The following CKAP2L variants were observed in gnomAD, a reference collection of about 807,000 sequenced individuals.
CKAP2L encodes cytoskeleton-associated protein 2-like.
Under a neutral mutation model 65.7 loss-of-function variants are expected in CKAP2L, and 42 were observed. The ratio of observed to expected loss-of-function variants is 0.64; its 90% CI spans 0.50 to 0.83. The LOEUF (loss-of-function observed/expected upper bound fraction) is 0.83, where lower values mean the gene tolerates loss of function less well. CKAP2L is among the 40% of genes least tolerant of loss of function. The probability of loss-of-function intolerance (pLI) is 0.00; values close to 1 mark genes in which losing one functional copy is unlikely to be tolerated. For missense variants in CKAP2L, 908 were observed against 871.0 expected, an observed-to-expected ratio of 1.04 and a Z score of -0.53; for synonymous variants, 325 against 313.5, an observed-to-expected ratio of 1.04 and a Z score of -0.39.
rs1248408398 is a variant in CKAP2L, at chr2:112,752,443, CCTTAGATTT to C, written c.1417_1425del (p.Lys473_Lys475del). On this transcript the variant is annotated inframe_deletion, in exon 5 of 9. Coordinates refer to ENST00000302450, the MANE Select transcript of CKAP2L (RefSeq NM_152515.5). Reference sequence around the variant, plus strand: ...ATAGGAGGCCGTTTATAGGTTTTTCCCTTAGATTTCTGCCATTCTTCTAGTTGTTTCCTG... The same window carrying C: ...ATAGGAGGCCGTTTATAGGTTTTTCCCTGCCATTCTTCTAGTTGTTTCCTG... 6.2e-7 allele frequency: 1 copy of C among 1,608,878 alleles called. No homozygotes were observed. The highest frequency in any genetic ancestry group is 8.5e-7 in the Non-Finnish European group (1 of 1,177,600).
chr2:112,752,400 CTTTTT>C lies in CKAP2L; in HGVS notation c.1464_1468del (p.Arg490SerfsTer14). The C allele has an allele frequency of 6.2e-7, 1 of 1,612,456 alleles. No homozygotes were observed. Among genetic ancestry groups the C allele is most frequent in the Non-Finnish European group, 8.5e-7 (1 of 1,178,844 alleles). ...AATATTCATTTCCTTTATTACTTTT[CTTTTT>C]GTTTTAAGTTCCATAGGAGGCCGTT... On this transcript the variant is annotated frameshift_variant, in exon 5 of 9. Transcript: ENST00000302450. LOFTEE classifies it high-confidence loss of function.
chr2:112,756,309 A>T lies in CKAP2L; in HGVS notation c.1062T>A (p.Asp354Glu). ...GTATACAAACTTGGCTGGACTTCTG[A>T]TCTTGCTTGATGTTTGGATGTCTGT... ...YNNRHPNIKQ[D>E]QKSSQVCIPQ... Residue 354 changes from aspartate (D) to glutamate (E), a missense_variant, in exon 4 of 9, where the codon GAT becomes GAA. Asp to Glu is a conservative substitution (Grantham distance 45, BLOSUM62 2). Coordinates refer to ENST00000302450, the MANE Select transcript of CKAP2L (RefSeq NM_152515.5). The T allele has an allele frequency of 6.2e-7, 1 of 1,613,802 alleles. No individual in the cohort carries two copies. The highest frequency in any genetic ancestry group is 8.5e-7 in the Non-Finnish European group (1 of 1,179,900).
intron 3 of CKAP2L, among the ~76,000 whole-genome samples, chr2:112,758,762 C>T (rs1680621522): frequency 6.6e-6 from 1 of 152,166 alleles, no homozygotes; most frequent in African/African-American, 2.4e-5. Flanking sequence ...ATAAAATTCA[C>T]CATTTTAGTA....
chr2:112,750,791 T>TAAA (rs79847825), intron 5 of CKAP2L, among the ~76,000 whole-genome samples: 1 of 116,484 alleles, frequency 8.6e-6, no homozygotes, highest in Non-Finnish European at 1.9e-5. Context: ...AACATATTTA[T>TAAA]AAAAAAAAAA....
intron 4 of CKAP2L, among the ~76,000 whole-genome samples, chr2:112,755,360 G>A (rs931045906): frequency 1.3e-5 from 2 of 152,080 alleles, no homozygotes; most frequent in South Asian, 2.1e-4. Context: ...GGCTGGTCTC[G>A]AACTCCCGAC....
At chr2:112,762,678 CATA>C (rs1680761921) in intron 1 of CKAP2L, 109 bp from the exon 2 acceptor site, 6 of 843,042 alleles carry the variant, frequency 7.1e-6, no homozygotes, top group South Asian at 5.8e-5. Flanking sequence ...GCCTTTGCAA[CATA>C]ATGTTATAAA....
In CKAP2L at chr2:112,737,746, C is replaced by G. The variant is rs765436578; in HGVS notation, c.*1077G>C. On this transcript the variant is annotated 3_prime_UTR_variant, in exon 9 of 9. Coordinates refer to ENST00000302450, the MANE Select transcript of CKAP2L (RefSeq NM_152515.5). Reference sequence around the variant, plus strand: ...GATAGACCTTTGATCAAAGTCCATTCTCCTTGGTAATGAATGCTCCTTGTT... The same window carrying G: ...GATAGACCTTTGATCAAAGTCCATTGTCCTTGGTAATGAATGCTCCTTGTT... The G allele has an allele frequency of 3.9e-5, 6 of 152,134 alleles. No homozygotes were observed. Among genetic ancestry groups the G allele is most frequent in the Non-Finnish European group, 7.4e-5 (5 of 68,026 alleles). The allele number at this position is 152,134 out of a possible 1,614,324, so 9.4% of individuals were successfully genotyped here.
At chr2:112,760,861 T>A (rs1680697496) in intron 2 of CKAP2L, 97 bp from the exon 3 acceptor site, 3 of 680,042 alleles carry the variant, frequency 4.4e-6, no homozygotes, top group Non-Finnish European at 7.7e-6. Context: ...GAATTTTAAA[T>A]AATTAGAATT....
intron 1 of CKAP2L, 62 bp from the exon 2 acceptor site, chr2:112,762,631 A>C: frequency 7.5e-7 from 1 of 1,325,998 alleles, no homozygotes; most frequent in Non-Finnish European, 1.1e-6. Context: ...CCAGTTCATT[A>C]ATATTCTAAA....
intron 3 of CKAP2L, among the ~76,000 whole-genome samples, 167 bp from the exon 4 acceptor site, chr2:112,757,381 T>C (rs1379270714): frequency 1.4e-5 from 2 of 144,620 alleles, no homozygotes; most frequent in Non-Finnish European, 3.0e-5. Flanking sequence ...TAGGTAGTTT[T>C]TGTGTTTTTT....
At chr2:112,764,472 C>T (rs1350623166) in intron 1 of CKAP2L, 90 bp downstream of exon 1, 2 of 1,429,930 alleles carry the variant, frequency 1.4e-6, no homozygotes, top group Admixed American at 1.7e-5. Context: ...CGGACGGGCA[C>T]CTCCCGCGGG....
intron 5 of CKAP2L, among the ~76,000 whole-genome samples, chr2:112,748,707 T>C (rs1680277555): frequency 6.6e-6 from 1 of 151,992 alleles, no homozygotes; most frequent in Non-Finnish European, 1.5e-5. Flanking sequence ...CAAAAAAATG[T>C]AAACTATAAT....
At chr2:112,744,626 G>T (rs1323886035) in intron 6 of CKAP2L, among the ~76,000 whole-genome samples, 1 of 152,180 alleles carries the variant, frequency 6.6e-6, no homozygotes, top group African/African-American at 2.4e-5. Flanking sequence ...CTATGTTGAG[G>T]GTTGAGACTC....
rs775782971 is a variant in CKAP2L, at chr2:112,757,012, C to T, written c.359G>A (p.Ser120Asn). The T allele has an allele frequency of 6.2e-7, 1 of 1,614,194 alleles. No homozygotes were observed. Among genetic ancestry groups the T allele is most frequent in the Non-Finnish European group, 8.5e-7 (1 of 1,180,030 alleles). Reference protein sequence around the residue: ...SNPYSKPSSKSFQQCEAGSST... With the variant: ...SNPYSKPSSKNFQQCEAGSST... ...CGATCCAGCTTCACACTGTTGAAAA[C>T]TCTTGCTAGAAGGCTTAGAGTATGG... Residue 120 changes from serine to asparagine, a missense_variant, in exon 4 of 9, where the codon AGT becomes AAT. Coordinates refer to ENST00000302450, the MANE Select transcript of CKAP2L (RefSeq NM_152515.5).
Position 112,754,996 on chromosome 2 carries a change from G to A in CKAP2L, c.1394+981C>T, listed in dbSNP as rs138127745. ...TGATCATAGCACCCTGAATTAAGTT[G>A]TTTACTTACTGTCTCTTCAGGAGGG... is the stretch of plus-strand genomic sequence containing the variant. On this transcript the variant is annotated intron_variant, in intron 4 of 8. Coordinates refer to ENST00000302450, the MANE Select transcript of CKAP2L (RefSeq NM_152515.5). Among the ~76,000 whole-genome samples the A allele has an allele frequency of 1.2e-3, 176 of 152,268 alleles. 1 individual carries two copies. The highest frequency in any genetic ancestry group is 4.2e-3 in the African/African-American group (174 of 41,548).
intron 2 of CKAP2L, among the ~76,000 whole-genome samples, chr2:112,761,343 C>T (rs925532858): frequency 4.0e-5 from 6 of 151,680 alleles, no homozygotes; most frequent in Non-Finnish European, 8.8e-5. Flanking sequence ...TGCCTGTTGT[C>T]CCAGCTACTC....
At position 112,756,367 on chromosome 2, in the gene CKAP2L, G is replaced by A; in HGVS notation, c.1004C>T (p.Thr335Ile). 6.2e-7 allele frequency: 1 copy of A among 1,613,838 alleles called. No individual in the cohort carries two copies. The highest frequency in any genetic ancestry group is 8.5e-7 in the Non-Finnish European group (1 of 1,179,892). Residue 335 changes from threonine (T) to isoleucine (I), a missense_variant, in exon 4 of 9, where the codon ACA becomes ATA. Thr to Ile is a moderately conservative substitution (Grantham distance 89). Transcript: ENST00000302450. Reference sequence around the variant, plus strand: ...TTCACCCTGAAGCAAACTGGGGTATGTTCTGGGTTTGGTGTGCTTCACTCT... The same window carrying A: ...TTCACCCTGAAGCAAACTGGGGTATATTCTGGGTTTGGTGTGCTTCACTCT... ...EQRVKHTKPRTYPSLLQGEYN... is the reference protein window; with the variant it reads ...EQRVKHTKPRIYPSLLQGEYN...
At chr2:112,748,063 A>T (rs1343801543) in intron 5 of CKAP2L, among the ~76,000 whole-genome samples, 1 of 152,246 alleles carries the variant, frequency 6.6e-6, no homozygotes, top group Admixed American at 6.5e-5. Flanking sequence ...GTTCTGAAGG[A>T]TATATCCATT....
chr2:112,743,626 C>T (rs566557782), intron 6 of CKAP2L, among the ~76,000 whole-genome samples: 213 of 151,832 alleles, frequency 1.4e-3, no homozygotes, highest in African/African-American at 4.9e-3. Context: ...TTAGTAGAGA[C>T]GGGGTTTCGC....
Sources: allele counts gnomAD v4.1 joint callset (sites outside exome capture counted in the v4.1 genomes callset), GRCh38; gene constraint gnomAD v4.1.1; transcripts MANE v1.5; gene names NCBI Gene and HGNC (gene_info 2026-07-23, HGNC 2026-07-21).